The following DMD variants were observed in gnomAD, a reference collection of about 807,000 sequenced individuals.
DMD encodes dystrophin, also known as mutant dystrophin.
Under a neutral mutation model 330.1 loss-of-function variants are expected in DMD, and 63 were observed. The ratio of observed to expected loss-of-function variants is 0.19; its 90% confidence interval spans 0.16 to 0.24. DMD has a LOEUF of 0.24. Among genes scored for constraint, DMD ranks in the 10% least tolerant of loss-of-function variants. The pLI is 1.00. For synonymous variants in DMD, 1,223 were observed against 959.8 expected, an observed-to-expected ratio of 1.27 and a Z score of -5.07; for missense variants, 3,344 against 2,684.1, an observed-to-expected ratio of 1.25 and a Z score of -5.43.
At chrX:31,672,240 C>T (rs949128925) in intron 53 of DMD, among the ~76,000 whole-genome samples, 10 of 111,947 alleles carry the variant, frequency 8.9e-5, no homozygotes, top group Non-Finnish European at 1.9e-4. Flanking sequence ...TTTAATTGTA[C>T]TCCATTATGG....
intron 51 of DMD, among the ~76,000 whole-genome samples, chrX:31,773,724 C>CTTTTTTTTTT (rs762551529): frequency 5.6e-5 from 3 of 53,541 alleles, no homozygotes; most frequent in East Asian, 6.4e-4. Flanking sequence ...AAGGTTTCTG[C>CTTTTTTTTTT]TTTTTTTTTT....
rs58378307 is a variant in DMD at position 33,296,197 on chromosome X, T to A, written c.7+43062A>T. Among the ~76,000 whole-genome samples, 495 of 111,238 alleles carry A rather than the reference T, an allele frequency of 4.4e-3. 5 individuals carry two copies. Among genetic ancestry groups the A allele is most frequent in the African/African-American group, 0.015 (468 of 30,747 alleles). ...TTTCTCTTGTGAAAGGTATTCCATA[T>A]AATTATTAAAGCAAGGTTATTCCAA... On this transcript the variant is annotated intron_variant, in intron 1 of 17. Coordinates refer to the DMD transcript ENST00000288447.
intron 63 of DMD, among the ~76,000 whole-genome samples, chrX:31,229,172 G>A (rs937273549): frequency 1.6e-4 from 18 of 111,970 alleles, no homozygotes; most frequent in African/African-American, 9.8e-5. Flanking sequence ...TCAAGTTTGC[G>A]TCACATATCT....
intron 2 of DMD, among the ~76,000 whole-genome samples, chrX:32,908,927 GT>G (rs2086961011): frequency 9.0e-6 from 1 of 111,068 alleles, no homozygotes; most frequent in Non-Finnish European, 1.9e-5. Context: ...GTATCAGGAG[GT>G]TGATATTTGC....
At chrX:32,691,579 T>G (rs2063285229) in intron 9 of DMD, among the ~76,000 whole-genome samples, 1 of 111,616 alleles carries the variant, frequency 9.0e-6, no homozygotes, top group African/African-American at 3.3e-5. Context: ...ATGGCATGGC[T>G]ATTATGGAAA....
At chrX:32,462,793 CA>C (rs2098388193) in intron 25 of DMD, among the ~76,000 whole-genome samples, 1 of 109,491 alleles carries the variant, frequency 9.1e-6, no homozygotes, top group Admixed American at 9.8e-5. Flanking sequence ...CTGTCTCTAC[CA>C]AAAAATAACA....
chrX:32,089,177 C>A (rs6631488), intron 44 of DMD, among the ~76,000 whole-genome samples: 25,590 of 110,196 alleles, frequency 0.23, 2,182 homozygotes, highest in Admixed American at 0.34. Context: ...TTCATCACCC[C>A]CCAAAATGCT....
In DMD at chrX:33,278,597, G is replaced by A. The variant is rs182284148; in HGVS notation, c.7+60662C>T. Among the ~76,000 whole-genome samples the A allele has an allele frequency of 2.7e-5, 3 of 111,856 alleles. No individual in the cohort carries two copies. In the East Asian group the frequency reaches 8.4e-4, roughly 31 times the overall value. ...CCAATCAACCATTGTGGGCATGTAG[G>A]TTGATGCCACATCTTTGCTATTGTG... On this transcript the variant is annotated intron_variant, in intron 1 of 17. Transcript: ENST00000288447.
At chrX:32,066,369 T>C (rs1036500345) in intron 44 of DMD, among the ~76,000 whole-genome samples, 3 of 111,808 alleles carry the variant, frequency 2.7e-5, no homozygotes, top group African/African-American at 9.7e-5. Context: ...ACTGTTCTAA[T>C]GTCCATTTTA....
chrX:31,520,828 C>T (rs781198346), intron 55 of DMD, among the ~76,000 whole-genome samples: 24 of 110,013 alleles, frequency 2.2e-4, no homozygotes, highest in African/African-American at 3.0e-4. Flanking sequence ...TACAGGCGCC[C>T]GCCACCACGC....
Position 31,821,745 on chromosome X carries a change from G to A in DMD, c.7201-1662C>T, listed in dbSNP as rs779987332. Among the ~76,000 whole-genome samples, 9 of 112,189 alleles carry A rather than the reference G, an allele frequency of 8.0e-5. No homozygotes were observed. In the South Asian group the frequency reaches 1.9e-3, roughly 23 times the overall value. On this transcript the variant is annotated intron_variant, in intron 49 of 78. Transcript: ENST00000357033. Reference sequence around the variant, plus strand: ...AGTGCCTATAAGAGATAATAGCTGCGTTTTTGTATCACTGTAAATTCCTAT... The same window carrying A: ...AGTGCCTATAAGAGATAATAGCTGCATTTTTGTATCACTGTAAATTCCTAT...
intron 55 of DMD, among the ~76,000 whole-genome samples, chrX:31,564,359 G>A (rs183350435): frequency 2.5e-4 from 28 of 111,577 alleles, no homozygotes; most frequent in South Asian, 7.6e-4. Context: ...AATGTGTATC[G>A]TATGCTACCA....
intron 9 of DMD, among the ~76,000 whole-genome samples, chrX:32,682,929 C>T (rs917901759): frequency 4.5e-5 from 5 of 111,672 alleles, no homozygotes; most frequent in Admixed American, 2.9e-4. Flanking sequence ...GTAGCTGTTT[C>T]ATCAGGCTGG....
At chrX:32,217,421 A>C (rs1378738024) in intron 43 of DMD, among the ~76,000 whole-genome samples, 1 of 111,733 alleles carries the variant, frequency 8.9e-6, no homozygotes. Context: ...CAAATATCTT[A>C]ACATTGTAAT....
intron 41 of DMD, among the ~76,000 whole-genome samples, chrX:32,319,248 A>C (rs1221783677): frequency 9.0e-5 from 10 of 111,141 alleles, no homozygotes; most frequent in Admixed American, 2.9e-4. Context: ...GCAGCAATAT[A>C]TAAGCACCAA....
chrX:32,999,968 G>A (rs1348852379), intron 2 of DMD, among the ~76,000 whole-genome samples: 2 of 112,361 alleles, frequency 1.8e-5, no homozygotes, highest in African/African-American at 6.5e-5. Context: ...ACTCTCCCAT[G>A]TAACTTCGTT....
At chrX:31,361,077 A>G (rs1232700283) in intron 60 of DMD, among the ~76,000 whole-genome samples, 1 of 110,844 alleles carries the variant, frequency 9.0e-6, no homozygotes, top group Non-Finnish European at 1.9e-5. Context: ...TGGGCAACAT[A>G]GTGAGACCCT....
intron 1 of DMD, among the ~76,000 whole-genome samples, chrX:33,183,466 C>G (rs1450886095): frequency 8.9e-6 from 1 of 111,787 alleles, no homozygotes; most frequent in African/African-American, 3.3e-5. Context: ...CACACAGCTG[C>G]GCCTCTGGCT....
At chrX:31,837,534 A>AAGTT (rs2093228727) in intron 48 of DMD, among the ~76,000 whole-genome samples, 1 of 112,025 alleles carries the variant, frequency 8.9e-6, no homozygotes, top group Non-Finnish European at 1.9e-5. Flanking sequence ...GAAGGAAGTG[A>AAGTT]AGTTAAATAT....
Sources: gnomAD v4.1 joint callset for allele counts (sites outside exome capture counted in the v4.1 genomes callset) on GRCh38, gnomAD v4.1.1 for gene constraint, MANE v1.5 for transcripts, NCBI Gene and HGNC (gene_info 2026-07-23, HGNC 2026-07-21) for gene names.